Variants in GATC observed in about 807,000 individuals in gnomAD.
The protein encoded by GATC is glutamyl-tRNA(Gln) amidotransferase subunit C, mitochondrial.
GATC carries 11 observed loss-of-function variants against 14.4 expected under a neutral mutation model. The ratio of observed to expected loss-of-function variants is 0.77; its 90% CI spans 0.48 to 1.27. GATC has a LOEUF of 1.27. Among genes scored for constraint, GATC ranks in the 50% most tolerant of loss-of-function variants. GATC has a pLI of 0.00. For missense variants in GATC, 204 were observed against 183.0 expected (o/e 1.11, Z -0.66); for synonymous variants, 76 against 79.3 (o/e 0.96, Z 0.22).
At chr12:120,453,830 A>AAACAAC (rs145076050) in intron 2 of GATC, among the ~76,000 whole-genome samples, 3 of 150,576 alleles carry the variant, frequency 2.0e-5, no homozygotes, top group South Asian at 2.1e-4. Context: ...AAAAAAAGTA[A>AAACAAC]AACAACAACA....
intron 2 of GATC, among the ~76,000 whole-genome samples, chr12:120,456,836 A>C (rs528970768): frequency 1.3e-5 from 2 of 152,258 alleles, no homozygotes; most frequent in African/African-American, 4.8e-5. Flanking sequence ...AATCATCAAA[A>C]ACTATTTGTT....
intron 2 of GATC, among the ~76,000 whole-genome samples, chr12:120,455,574 C>T (rs1171516846): frequency 6.6e-6 from 1 of 152,142 alleles, no homozygotes; most frequent in Non-Finnish European, 1.5e-5. Flanking sequence ...CTGTAACAGA[C>T]TTCAACTTTC....
intron 2 of GATC, 32 bp from the exon 3 acceptor site, chr12:120,457,044 A>G (rs1349046916): frequency 6.8e-7 from 1 of 1,473,366 alleles, no homozygotes; most frequent in Admixed American, 1.7e-5. Context: ...CCCTTCTCTG[A>G]GAGGGTAACC....
chr12:120,461,993 T>C lies in GATC; in HGVS notation c.*2034T>C. ...AAAGCAGCTCAGTTAACCTAAAAAA[T>C]AAAGAAAAAATTCCCATCACCTGTC... On this transcript the variant is annotated 3_prime_UTR_variant, in exon 4 of 4. Coordinates refer to ENST00000551765, the MANE Select transcript of GATC (RefSeq NM_176818.3). 1.3e-6 allele frequency: 2 copies of C among 1,583,004 alleles called. No homozygotes were observed. The highest frequency in any genetic ancestry group is 1.7e-6 in the Non-Finnish European group (2 of 1,164,622).
chr12:120,463,481 C>T lies in GATC; in HGVS notation c.*3522C>T, dbSNP rs1202801043. 1.3e-5 allele frequency: 2 copies of T among 152,494 alleles called. No individual in the cohort carries two copies. Among genetic ancestry groups the T allele is most frequent in the African/African-American group, 4.8e-5 (2 of 41,438 alleles). 9.4% of individuals were successfully genotyped at this position (152,494 alleles called of 1,614,324 possible). On this transcript the variant is annotated 3_prime_UTR_variant, in exon 4 of 4. Coordinates refer to ENST00000551765, the MANE Select transcript of GATC (RefSeq NM_176818.3). ...GATAGCTCAGGTTTCAGAGAGGATG[C>T]TGCACTACTCTGGGAAAAAAGTGAA...
intron 2 of GATC, among the ~76,000 whole-genome samples, chr12:120,448,033 C>T (rs1877925006): frequency 6.6e-6 from 1 of 152,162 alleles, no homozygotes; most frequent in African/African-American, 2.4e-5. Flanking sequence ...GGATTACAGG[C>T]ATGAGCCACA....
intron 2 of GATC, among the ~76,000 whole-genome samples, chr12:120,447,057 TTTTTTTTTTTGTTTGTTTGTTTTG>T (rs1877891972): frequency 1.2e-4 from 2 of 16,404 alleles, no homozygotes; most frequent in South Asian, 3.6e-3. Flanking sequence ...ACTGCCTTTG[TTTTTTTTTTTGTTTGTTTGTTTTG>T]TTTTTTTTTT....
intron 3 of GATC, 86 bp downstream of exon 3, chr12:120,457,265 G>A (rs988192939): frequency 2.0e-6 from 2 of 994,100 alleles, no homozygotes; most frequent in Non-Finnish European, 3.2e-6. Context: ...AAGATGCTAT[G>A]TGAAGGCACT....
At chr12:120,447,841 CACCTCCCAGACTCAAGAGA>C (rs1346945752) in intron 2 of GATC, among the ~76,000 whole-genome samples, 1 of 151,996 alleles carries the variant, frequency 6.6e-6, no homozygotes, top group Non-Finnish European at 1.5e-5. Flanking sequence ...TTGTAATGTC[CACCTCCCAGACTCAAGAGA>C]GCCTCCCATC....
In GATC at chr12:120,459,999, G is replaced by A. The variant is rs1198027274; in HGVS notation, c.*40G>A. The stretch of plus-strand genomic sequence containing the variant: ...AAAGGGGGTACTCTGTGAACATGTG[G>A]AAGCATAATGACAGTATTTTTTTAC... On this transcript the variant is annotated 3_prime_UTR_variant, in exon 4 of 4. Coordinates refer to ENST00000551765, the MANE Select transcript of GATC (RefSeq NM_176818.3). The A allele has an allele frequency of 6.7e-7, 1 of 1,490,832 alleles. No homozygotes were observed. Among genetic ancestry groups the A allele is most frequent in the East Asian group, 2.3e-5 (1 of 44,010 alleles). The allele number at this position is 1,490,832 out of a possible 1,614,324, so 92.4% of individuals were successfully genotyped here. A position where few individuals can be genotyped will look rare whatever the true frequency, so the allele number is the denominator to read the frequency against.
At chr12:120,456,982 A>T in intron 2 of GATC, 94 bp from the exon 3 acceptor site, 1 of 784,818 alleles carries the variant, frequency 1.3e-6, no homozygotes, top group Non-Finnish European at 2.2e-6. Context: ...TCAAGAATAT[A>T]CTGCTTCCTT....
chr12:120,453,654 T>C (rs1049462621), intron 2 of GATC, among the ~76,000 whole-genome samples: 2 of 152,082 alleles, frequency 1.3e-5, no homozygotes, highest in Non-Finnish European at 2.9e-5. Context: ...ATGCTTGCTG[T>C]ACCACTGTCA....
Position 120,461,964 on chromosome 12 carries a change from G to A in GATC, c.*2005G>A. 6.6e-7 allele frequency: 1 copy of A among 1,504,324 alleles called. No homozygotes were observed. The highest frequency in any genetic ancestry group is 2.4e-5 in the East Asian group (1 of 41,410). 93.2% of individuals were successfully genotyped at this position (1,504,324 alleles called of 1,614,324 possible). On this transcript the variant is annotated 3_prime_UTR_variant, in exon 4 of 4. Transcript: ENST00000551765. ...CCTCAATCTGGAATGTAGATTCTGA[G>A]CACAAAGCAGCTCAGTTAACCTAAA...
At chr12:120,459,009 CA>C (rs773512136) in intron 3 of GATC, among the ~76,000 whole-genome samples, 8 of 152,140 alleles carry the variant, frequency 5.3e-5, no homozygotes, top group Admixed American at 2.6e-4. Context: ...TACAGGCGCC[CA>C]CCACAACGCC....
chr12:120,451,872 A>ATTTTTTTTTTTTTTTTTT (rs1555219520), intron 2 of GATC, among the ~76,000 whole-genome samples: 2 of 88,084 alleles, frequency 2.3e-5, no homozygotes, highest in African/African-American at 9.3e-5. Context: ...AATTATATAA[A>ATTTTTTTTTTTTTTTTTT]TTCTTTTTTT....
In GATC at chr12:120,446,535, G is replaced by A. The variant is rs753021870; in HGVS notation, c.55G>A (p.Gly19Ser). Reference sequence around the variant, plus strand: ...TCGGGCCCCTCTGGGCGGGCGCCAGGGCTTCACCTCCAAGGCGGATCCTCA... The same window carrying A: ...TCGGGCCCCTCTGGGCGGGCGCCAGAGCTTCACCTCCAAGGCGGATCCTCA... ...GLRAPLGGRQGFTSKADPQGS... is the reference protein window; with the variant it reads ...GLRAPLGGRQSFTSKADPQGS... The change falls in exon 1 of 4, where the codon GGC becomes AGC. Residue 19 changes from glycine to serine, a missense_variant. Coordinates refer to ENST00000551765, the MANE Select transcript of GATC (RefSeq NM_176818.3). 29 of 1,601,598 alleles carry A rather than the reference G, an allele frequency of 1.8e-5. No individual in the cohort carries two copies. The highest frequency in any genetic ancestry group is 2.3e-5 in the Non-Finnish European group (27 of 1,173,946).
chr12:120,450,971 GT>G (rs1311957495), intron 2 of GATC, among the ~76,000 whole-genome samples: 3 of 150,700 alleles, frequency 2.0e-5, no homozygotes, highest in African/African-American at 7.3e-5. Context: ...GCGAAACCCT[GT>G]TTCTACTTAA....
chr12:120,459,853 TCAAAA>T, intron 3 of GATC, 49 bp from the exon 4 acceptor site: 1 of 1,476,324 alleles, frequency 6.8e-7, no homozygotes. Flanking sequence ...AGACTCTGTC[TCAAAA>T]CAAAAACAAA....
intron 2 of GATC, chr12:120,450,530 T>TAA (rs1376723075): frequency 1.3e-5 from 2 of 153,348 alleles, no homozygotes; most frequent in African/African-American, 4.8e-5. Context: ...CTAACCTCAT[T>TAA]ATGTTTTCTG....
Sources: allele counts gnomAD v4.1 joint callset (sites outside exome capture counted in the v4.1 genomes callset), GRCh38; gene constraint gnomAD v4.1.1; transcripts MANE v1.5; gene names NCBI Gene and HGNC (gene_info 2026-07-23, HGNC 2026-07-21).